The following CNTNAP2 variants were observed in gnomAD, a reference collection of about 807,000 sequenced individuals.
CNTNAP2 encodes the protein contactin-associated protein-like 2.
A neutral mutation model predicts 155.2 loss-of-function variants in CNTNAP2; 98 were observed. The observed-to-expected ratio is 0.63, with a 90% CI of 0.54 to 0.75. The LOEUF is 0.75. CNTNAP2 is among the 30% of genes least tolerant of loss of function. The pLI, the probability that CNTNAP2 is intolerant of heterozygous loss-of-function variation, is 0.00. For synonymous variants in CNTNAP2, 651 were observed against 631.2 expected, an observed-to-expected ratio of 1.03 and a Z score of -0.47; for missense variants, 1,727 against 1,688.1, an observed-to-expected ratio of 1.02 and a Z score of -0.40.
At chr7:147,196,627 C>G (rs1186104642) in intron 8 of CNTNAP2, among the ~76,000 whole-genome samples, 2 of 152,104 alleles carry the variant, frequency 1.3e-5, no homozygotes, top group Non-Finnish European at 2.9e-5. Flanking sequence ...GGAATAAAAC[C>G]TCGCCTAAGC....
intron 4 of CNTNAP2, among the ~76,000 whole-genome samples, chr7:147,079,134 T>C (rs1224882198): frequency 2.0e-5 from 3 of 152,218 alleles, no homozygotes; most frequent in Non-Finnish European, 2.9e-5. Flanking sequence ...TGGTGCATGG[T>C]GTTTTCTAAC....
intron 22 of CNTNAP2, among the ~76,000 whole-genome samples, chr7:148,384,794 GCAGTTTT>G (rs759369648): frequency 1.3e-5 from 2 of 152,166 alleles, no homozygotes; most frequent in Non-Finnish European, 2.9e-5. Flanking sequence ...TTAACCTTAG[GCAGTTTT>G]CATAACCTCA....
At chr7:146,313,182 C>A (rs1584863883) in intron 1 of CNTNAP2, among the ~76,000 whole-genome samples, 2 of 152,172 alleles carry the variant, frequency 1.3e-5, no homozygotes, top group South Asian at 4.1e-4. Context: ...CAACAATGTA[C>A]AAGGGTTACC....
chr7:146,438,873 C>T (rs766153750), intron 1 of CNTNAP2, among the ~76,000 whole-genome samples: 3 of 151,468 alleles, frequency 2.0e-5, no homozygotes, highest in Non-Finnish European at 4.4e-5. Flanking sequence ...TTCTTTCTCT[C>T]GGGCACACAC....
intron 8 of CNTNAP2, among the ~76,000 whole-genome samples, chr7:147,239,914 T>C (rs1803900660): frequency 6.6e-6 from 1 of 152,212 alleles, no homozygotes; most frequent in African/African-American, 2.4e-5. Context: ...TAATATTTTT[T>C]ATTTCAAAGT....
intron 1 of CNTNAP2, among the ~76,000 whole-genome samples, chr7:146,617,123 C>G (rs2129155335): frequency 6.6e-6 from 1 of 152,268 alleles, no homozygotes; most frequent in East Asian, 1.9e-4. Context: ...GGGTTCACGC[C>G]ATTCTCCTGC....
At chr7:146,213,970 A>C (rs1430782454) in intron 1 of CNTNAP2, among the ~76,000 whole-genome samples, 1 of 152,140 alleles carries the variant, frequency 6.6e-6, no homozygotes, top group East Asian at 1.9e-4. Context: ...TTGACTCTTT[A>C]GGCTTCGGTT....
chr7:148,096,491 T>C (rs1177354999), intron 15 of CNTNAP2, among the ~76,000 whole-genome samples: 1 of 152,068 alleles, frequency 6.6e-6, no homozygotes, highest in Non-Finnish European at 1.5e-5. Flanking sequence ...ATAAAAACAT[T>C]TCAATTTTCA....
At chr7:147,945,770 A>T (rs1800809858) in intron 14 of CNTNAP2, among the ~76,000 whole-genome samples, 1 of 151,534 alleles carries the variant, frequency 6.6e-6, no homozygotes, top group African/African-American at 2.4e-5. Flanking sequence ...AAATAATTTT[A>T]TTGACTTCTT....
At chr7:147,291,200 C>T (rs373475565) in intron 8 of CNTNAP2, among the ~76,000 whole-genome samples, 4 of 151,848 alleles carry the variant, frequency 2.6e-5, no homozygotes, top group South Asian at 2.1e-4. Flanking sequence ...ATGTGCCGAA[C>T]GTACAGGTTT....
chr7:146,764,830 A>T (rs564235760), intron 1 of CNTNAP2, among the ~76,000 whole-genome samples: 5 of 152,282 alleles, frequency 3.3e-5, no homozygotes, highest in African/African-American at 1.2e-4. Context: ...AAATGAAAGA[A>T]ATCTGAACTA....
rs71183016 is a variant in CNTNAP2 at position 147,560,168 on chromosome 7, C to CAAAAAAAAAAAAAAAAAAAAAA, written c.1778-1968_1778-1947dup. Among the ~76,000 whole-genome samples the CAAAAAAAAAAAAAAAAAAAAAA allele has an allele frequency of 3.0e-3, 157 of 52,788 alleles. 17 individuals are homozygous for CAAAAAAAAAAAAAAAAAAAAAA. The highest frequency in any genetic ancestry group is 9.7e-3 in the East Asian group (10 of 1,036). 34.6% of individuals were successfully genotyped at this position (52,788 alleles called of 152,430 possible). ...GGGCAACAAGAACGAAACTCCGTCT[C>CAAAAAAAAAAAAAAAAAAAAAA]AAAAAAAAAAAAAAAAAAAAAAATT... is the stretch of plus-strand genomic sequence containing the variant. On this transcript the variant is annotated intron_variant, in intron 11 of 23. Coordinates refer to ENST00000361727, the MANE Select transcript of CNTNAP2 (RefSeq NM_014141.6).
intron 1 of CNTNAP2, among the ~76,000 whole-genome samples, chr7:146,190,162 CG>C (rs1798681809): frequency 6.6e-6 from 1 of 152,138 alleles, no homozygotes; most frequent in Admixed American, 6.5e-5. Context: ...CTCATGCGTT[CG>C]TTTGTTAATT....
intron 1 of CNTNAP2, among the ~76,000 whole-genome samples, chr7:146,658,479 C>A (rs549098871): frequency 1.3e-5 from 2 of 151,550 alleles, no homozygotes; most frequent in Admixed American, 6.6e-5. Flanking sequence ...TGTTATTATA[C>A]CATATCTGGA....
At chr7:147,804,635 C>A (rs964888344) in intron 13 of CNTNAP2, among the ~76,000 whole-genome samples, 1 of 152,068 alleles carries the variant, frequency 6.6e-6, no homozygotes, top group African/African-American at 2.4e-5. Context: ...CTCACTGCAA[C>A]CTCTGCCTCC....
At chr7:147,542,692 G>T (rs937362476) in intron 11 of CNTNAP2, among the ~76,000 whole-genome samples, 1 of 152,112 alleles carries the variant, frequency 6.6e-6, no homozygotes, top group Non-Finnish European at 1.5e-5. Context: ...GAGAAACCTT[G>T]AACAGGTTTG....
Position 148,364,004 on chromosome 7 carries a change from G to C in CNTNAP2, c.3476-19645G>C, listed in dbSNP as rs573884578. On this transcript the variant is annotated intron_variant, in intron 21 of 23. Coordinates refer to ENST00000361727, the MANE Select transcript of CNTNAP2 (RefSeq NM_014141.6). ...GTCCCCCAGCAGTGCCGGCCCACCG[G>C]CGCTGCGCTCGATTTCTCGCCGGGC... Among the ~76,000 whole-genome samples the C allele has an allele frequency of 6.0e-4, 91 of 152,336 alleles. 1 individual carries two copies. The highest frequency in any genetic ancestry group is 2.1e-3 in the African/African-American group (86 of 41,586).
intron 1 of CNTNAP2, among the ~76,000 whole-genome samples, chr7:146,701,798 A>G (rs898454065): frequency 6.6e-6 from 1 of 152,124 alleles, no homozygotes; most frequent in African/African-American, 2.4e-5. Flanking sequence ...TTCTCAAAAT[A>G]TTCTTACCAA....
chr7:147,280,692 T>C (rs1417630622), intron 8 of CNTNAP2, among the ~76,000 whole-genome samples: 1 of 151,928 alleles, frequency 6.6e-6, no homozygotes, highest in Non-Finnish European at 1.5e-5. Context: ...ACAATAACTG[T>C]TATATTCACA....
Sources: gnomAD v4.1 joint callset for allele counts (sites outside exome capture counted in the v4.1 genomes callset) on GRCh38, gnomAD v4.1.1 for gene constraint, MANE v1.5 for transcripts, NCBI Gene and HGNC (gene_info 2026-07-23, HGNC 2026-07-21) for gene names.